Variants in PTPRE observed in about 807,000 individuals in gnomAD.
PTPRE encodes the protein protein tyrosine phosphatase receptor type E, also known as receptor-type tyrosine-protein phosphatase epsilon.
In PTPRE, 51 loss-of-function variants were observed where a neutral mutation model predicts 102.0. The observed-to-expected ratio is 0.50, with a 90% CI of 0.40 to 0.63. The LOEUF (loss-of-function observed/expected upper bound fraction) is 0.63, where lower values mean the gene tolerates loss of function less well. Ranked by LOEUF, PTPRE falls within the 30% of genes least tolerant of loss-of-function variation. The pLI is 0.00. For missense variants in PTPRE, 752 were observed against 915.1 expected (o/e 0.82, Z 2.30); for synonymous variants, 345 against 348.2 (o/e 0.99, Z 0.10).
Position 127,907,748 on chromosome 10 carries a change from T to A in PTPRE, c.-31+439T>A, listed in dbSNP as rs1242145446. 6.6e-6 allele frequency among the ~76,000 whole-genome samples: 1 copy of A among 151,738 alleles called. No individual in the cohort carries two copies. Among genetic ancestry groups the A allele is most frequent in the Non-Finnish European group, 1.5e-5 (1 of 67,958 alleles). ...TGGAGGCTGGAGCCTTTGAAGAAAG[T>A]GGCTCGAGTTGTGCCAACTCTGGGA... On this transcript the variant is annotated intron_variant, in intron 1 of 20. Coordinates refer to ENST00000254667, the MANE Select transcript of PTPRE (RefSeq NM_006504.6). This position sits in a 1 kb window ranked among gnomAD's most constrained non-coding sequence, Gnocchi z 4.8.
At chr10:127,979,364 G>T (rs759396345) in intron 1 of PTPRE, among the ~76,000 whole-genome samples, 3 of 152,198 alleles carry the variant, frequency 2.0e-5, no homozygotes, top group Non-Finnish European at 4.4e-5. Flanking sequence ...CATCAGCGTC[G>T]CAGTGTTGGC....
chr10:127,960,937 C>G (rs1193127340), intron 1 of PTPRE, among the ~76,000 whole-genome samples: 1 of 151,156 alleles, frequency 6.6e-6, no homozygotes, highest in African/African-American at 2.4e-5. Context: ...AGGAGAATGG[C>G]GTGAACCCGG....
At chr10:128,052,627 C>T (rs1848643571) in intron 6 of PTPRE, among the ~76,000 whole-genome samples, 2 of 152,150 alleles carry the variant, frequency 1.3e-5, no homozygotes, top group Admixed American at 1.3e-4. Flanking sequence ...CTTCCAGGCC[C>T]CAGAGTAAGT....
intron 1 of PTPRE, among the ~76,000 whole-genome samples, chr10:127,965,895 C>A (rs1335721817): frequency 1.3e-5 from 2 of 152,224 alleles, no homozygotes; most frequent in Non-Finnish European, 2.9e-5. Context: ...TGCATTTTCC[C>A]ATCTTCTGCC....
At position 128,082,195 on chromosome 10, in the gene PTPRE, C is replaced by CTCTCTTTTTT. The variant is rs1554951767; in HGVS notation, c.2029-636_2029-635insCTCTTTTTTT. ...TTAGTACTCTGATTTTTTTCTCTTT[C>CTCTCTTTTTT]TTTTTTTTTTTTTTTTTTTTTTTTT... On this transcript the variant is annotated intron_variant, in intron 20 of 20. Coordinates refer to ENST00000254667, the MANE Select transcript of PTPRE (RefSeq NM_006504.6). 6.2e-4 allele frequency among the ~76,000 whole-genome samples: 55 copies of CTCTCTTTTTT among 89,060 alleles called. 6 individuals are homozygous for CTCTCTTTTTT. The highest frequency in any genetic ancestry group is 7.6e-4 in the Admixed American group (6 of 7,898). 58.4% of individuals were successfully genotyped at this position (89,060 alleles called of 152,430 possible).
At chr10:128,040,391 G>A (rs547044970) in intron 2 of PTPRE, among the ~76,000 whole-genome samples, 14 of 152,152 alleles carry the variant, frequency 9.2e-5, no homozygotes, top group Non-Finnish European at 1.6e-4. Context: ...AGTGAAGGGG[G>A]ATGAAGAAAC....
chr10:127,949,571 G>C (rs979413429), intron 1 of PTPRE, among the ~76,000 whole-genome samples: 1 of 152,144 alleles, frequency 6.6e-6, no homozygotes, highest in Non-Finnish European at 1.5e-5. Flanking sequence ...CTTTATACCT[G>C]ATACGTTTGA....
In PTPRE at chr10:127,965,952, CG is replaced by C. The variant is rs370810099; in HGVS notation, c.-30-16321del. Among the ~76,000 whole-genome samples, 499 of 152,344 alleles carry C rather than the reference CG, an allele frequency of 3.3e-3. 1 individual carries two copies. Among genetic ancestry groups the C allele is most frequent in the African/African-American group, 0.01 (425 of 41,572 alleles). On this transcript the variant is annotated intron_variant, in intron 1 of 20. Transcript: ENST00000254667. ...TCCTCCTGGCCTTCAGTCTGAGGTC[CG>C]CTGGGGGCCATGAATGCCTCTGCAA...
chr10:128,011,185 T>C (rs1276020969), intron 2 of PTPRE, among the ~76,000 whole-genome samples: 1 of 152,184 alleles, frequency 6.6e-6, no homozygotes, highest in Non-Finnish European at 1.5e-5. Flanking sequence ...ATTTCTTGGC[T>C]GGGGTAGAGA....
intron 4 of PTPRE, 52 bp from the exon 5 acceptor site, chr10:128,047,712 G>T: frequency 6.2e-7 from 1 of 1,614,130 alleles, no homozygotes; most frequent in South Asian, 1.1e-5. Context: ...AGCGCTGTTG[G>T]CTCTCGGGGA....
chr10:127,983,360 T>C (rs776085343), intron 2 of PTPRE, among the ~76,000 whole-genome samples: 30 of 152,212 alleles, frequency 2.0e-4, no homozygotes, highest in Non-Finnish European at 4.0e-4. Flanking sequence ...TGTTCTCCAT[T>C]GCATCATTAT....
chr10:127,963,425 T>C (rs910877900), intron 1 of PTPRE, among the ~76,000 whole-genome samples: 1 of 152,230 alleles, frequency 6.6e-6, no homozygotes, highest in Admixed American at 6.5e-5. Context: ...AATATGAGCA[T>C]GTGATTAACT....
At chr10:128,056,634 T>A (rs1345782527) in intron 7 of PTPRE, among the ~76,000 whole-genome samples, 1 of 152,256 alleles carries the variant, frequency 6.6e-6, no homozygotes, top group Non-Finnish European at 1.5e-5. Context: ...TCCCTAGAGT[T>A]GTCTGGGGTC....
At chr10:127,970,550 A>G (rs558295628) in intron 1 of PTPRE, among the ~76,000 whole-genome samples, 1 of 152,058 alleles carries the variant, frequency 6.6e-6, no homozygotes, top group East Asian at 1.9e-4. Flanking sequence ...TGTATCCTGA[A>G]GCACCTACAC....
chr10:127,914,892 G>A (rs1846104972), intron 1 of PTPRE, among the ~76,000 whole-genome samples: 1 of 152,180 alleles, frequency 6.6e-6, no homozygotes, highest in African/African-American at 2.4e-5. Flanking sequence ...GAGCACAGGG[G>A]TGGCATATCC....
rs1370917497 is a variant in PTPRE at position 127,990,739 on chromosome 10, G to A, written c.-8+8443G>A. ...CATCTTCCTATGAGAAAGCAGCACT[G>A]GCCTAGGGGCTTCCTCCTCCTGCCT... On this transcript the variant is annotated intron_variant, in intron 2 of 20. Coordinates refer to ENST00000254667, the MANE Select transcript of PTPRE (RefSeq NM_006504.6). 2.6e-5 allele frequency among the ~76,000 whole-genome samples: 4 copies of A among 152,290 alleles called. No homozygotes were observed. The East Asian group carries it at 5.8e-4, about 22-fold the overall frequency.
intron 2 of PTPRE, among the ~76,000 whole-genome samples, chr10:128,037,031 T>C (rs1216933343): frequency 2.0e-5 from 3 of 152,208 alleles, no homozygotes; most frequent in African/African-American, 7.2e-5. Flanking sequence ...CTTCAGTCTA[T>C]ATAAAGCCAT....
At chr10:127,960,892 T>G (rs1045560867) in intron 1 of PTPRE, among the ~76,000 whole-genome samples, 6 of 151,520 alleles carry the variant, frequency 4.0e-5, no homozygotes, top group East Asian at 1.9e-4. Context: ...GTGGTGGTGG[T>G]CACCTGTAGT....
Position 127,936,625 on chromosome 10 carries a change from G to A in PTPRE, c.-31+29316G>A, listed in dbSNP as rs371393829. 2.4e-4 allele frequency among the ~76,000 whole-genome samples: 37 copies of A among 152,246 alleles called. No individual in the cohort carries two copies. In the East Asian group the frequency reaches 3.5e-3, roughly 14 times the overall value. On this transcript the variant is annotated intron_variant, in intron 1 of 20. Transcript: ENST00000254667. Reference sequence around the variant, plus strand: ...CTAGAGAATCTGGCTCTAGAATCACGAAGCCTTCCAGCATCCCCAGCTTCC... The same window carrying A: ...CTAGAGAATCTGGCTCTAGAATCACAAAGCCTTCCAGCATCCCCAGCTTCC...
Sources: gnomAD v4.1 joint callset for allele counts (sites outside exome capture counted in the v4.1 genomes callset) on GRCh38, gnomAD v4.1.1 for gene constraint, Gnocchi (gnomAD v3.1) non-coding constraint, MANE v1.5 for transcripts, NCBI Gene and HGNC (gene_info 2026-07-23, HGNC 2026-07-21) for gene names.